The following TXK variants were observed in gnomAD, a reference collection of about 807,000 sequenced individuals.
The protein encoded by TXK is TXK tyrosine kinase, also known as tyrosine-protein kinase TXK.
A neutral mutation model predicts 81.0 loss-of-function variants in TXK; 60 were observed. The observed-to-expected ratio is 0.74, with a 90% CI of 0.60 to 0.92. The LOEUF (loss-of-function observed/expected upper bound fraction) is 0.92, where lower values mean the gene tolerates loss of function less well. TXK is among the 40% of genes least tolerant of loss of function. The pLI is 0.00. For missense variants in TXK, 581 were observed against 638.3 expected, an observed-to-expected ratio of 0.91 and a Z score of 0.97; for synonymous variants, 203 against 210.7, an observed-to-expected ratio of 0.96 and a Z score of 0.32.
At position 48,114,379 on chromosome 4, in the gene TXK, A is replaced by C. The variant is rs1718736078; in HGVS notation, c.40T>G (p.Cys14Gly). 1 of 1,614,058 alleles carries C rather than the reference A, an allele frequency of 6.2e-7. No homozygotes were observed. Among genetic ancestry groups the C allele is most frequent in the African/African-American group, 1.3e-5 (1 of 74,938 alleles). Residue 14 changes from cysteine to glycine, a missense_variant, in exon 2 of 15, where the codon TGT becomes GGT. Cys to Gly is a radical substitution (Grantham distance 159). Transcript: ENST00000264316. ...SSYNTIQSVF[C>G]CCCCCSVQKR... is the part of the protein sequence containing the mutation. ...TGCACTGAACAGCAACAGCAGCAAC[A>C]GAAAACCGACTGGATGGTGTTATCT...
chr4:48,080,997 T>C (rs146300351), intron 10 of TXK, among the ~76,000 whole-genome samples: 1 of 152,088 alleles, frequency 6.6e-6, no homozygotes, highest in Non-Finnish European at 1.5e-5. Flanking sequence ...ACACAATGTA[T>C]ATGAACGATT....
At chr4:48,133,357 T>C (rs1021481545) in intron 1 of TXK, among the ~76,000 whole-genome samples, 4 of 152,216 alleles carry the variant, frequency 2.6e-5, no homozygotes, top group Non-Finnish European at 2.9e-5. Context: ...TTATTTTTAA[T>C]GATGGTCTTA....
chr4:48,133,346 C>G lies in TXK; in HGVS notation c.16+809G>C, dbSNP rs551889966. 2.6e-5 allele frequency among the ~76,000 whole-genome samples: 4 copies of G among 152,134 alleles called. No individual in the cohort carries two copies. In the East Asian group the frequency reaches 7.7e-4, roughly 29 times the overall value. ...TTTCTCTGTTCTCCTAAAACAAGCACTTATTTTTAATGATGGTCTTATATT... is the reference window on the plus strand; with the variant it reads ...TTTCTCTGTTCTCCTAAAACAAGCAGTTATTTTTAATGATGGTCTTATATT... On this transcript the variant is annotated intron_variant, in intron 1 of 14. Coordinates refer to ENST00000264316, the MANE Select transcript of TXK (RefSeq NM_003328.3).
chr4:48,074,487 A>T (rs747421698), intron 12 of TXK, among the ~76,000 whole-genome samples: 1 of 152,214 alleles, frequency 6.6e-6, no homozygotes, highest in Non-Finnish European at 1.5e-5. Context: ...TTCCATGTGC[A>T]TGTTTTTTTG....
At chr4:48,096,370 G>T (rs562626354) in intron 6 of TXK, among the ~76,000 whole-genome samples, 7 of 152,260 alleles carry the variant, frequency 4.6e-5, no homozygotes, top group African/African-American at 1.7e-4. Context: ...TGCATATAAA[G>T]TTGCATATGT....
At chr4:48,127,269 AT>A (rs1343498523) in intron 1 of TXK, among the ~76,000 whole-genome samples, 8 of 152,238 alleles carry the variant, frequency 5.3e-5, no homozygotes, top group Admixed American at 3.9e-4. Flanking sequence ...GACAGCAGGC[AT>A]CTTTATTTAC....
chr4:48,109,597 T>C (rs1193637609), intron 5 of TXK, among the ~76,000 whole-genome samples: 1 of 152,174 alleles, frequency 6.6e-6, no homozygotes, highest in Non-Finnish European at 1.5e-5. Flanking sequence ...CAGAAATAGC[T>C]ACTGGAGAAA....
chr4:48,113,444 A>ATGAAGG (rs1718705155), intron 2 of TXK, 135 bp from the exon 3 acceptor site: 2 of 603,832 alleles, frequency 3.3e-6, no homozygotes, highest in Non-Finnish European at 2.8e-6. Flanking sequence ...AGGCTTCCTA[A>ATGAAGG]CTCCATCTCC....
chr4:48,099,287 A>C (rs999455655), intron 6 of TXK, among the ~76,000 whole-genome samples: 1 of 152,254 alleles, frequency 6.6e-6, no homozygotes, highest in Non-Finnish European at 1.5e-5. Flanking sequence ...AGATAAACTT[A>C]AAAATAAATG....
At chr4:48,132,747 A>C (rs550997150) in intron 1 of TXK, among the ~76,000 whole-genome samples, 1 of 152,106 alleles carries the variant, frequency 6.6e-6, no homozygotes, top group Non-Finnish European at 1.5e-5. Context: ...GGAGTTTGAG[A>C]CCAACCTGGC....
Position 48,094,169 on chromosome 4 carries a change from T to C in TXK, c.617A>G (p.Lys206Arg). 6.2e-7 allele frequency: 1 copy of C among 1,613,870 alleles called. No individual in the cohort carries two copies. Among genetic ancestry groups the C allele is most frequent in the Non-Finnish European group, 8.5e-7 (1 of 1,179,988 alleles). Residue 206 changes from lysine (K) to arginine (R), a missense_variant, in exon 8 of 15, where the codon AAA (lysine) becomes AGA (arginine). By Grantham distance (26) the Lys-to-Arg change is conservative. Coordinates refer to ENST00000264316, the MANE Select transcript of TXK (RefSeq NM_003328.3). ...TEAAIKHYQI[K>R]KNDSGQWYVA... Reference sequence around the variant, plus strand: ...ATACCACTGTCCTGAGTCATTCTTTTTTATCTGATAATGTTTTATGGCAGC... The same window carrying C: ...ATACCACTGTCCTGAGTCATTCTTTCTTATCTGATAATGTTTTATGGCAGC...
chr4:48,074,775 CT>C (rs1223315576), intron 12 of TXK, among the ~76,000 whole-genome samples: 2 of 152,078 alleles, frequency 1.3e-5, no homozygotes, highest in African/African-American at 4.8e-5. Flanking sequence ...AATGCTGCCC[CT>C]ATACTCTCAC....
In TXK at chr4:48,113,202, C is replaced by T. The variant is rs1577677072; in HGVS notation, c.174+5G>A. ...TCCCCTCTTGCCTGTCAAAATGATA[C>T]TTACTTGCTTCTTATTTGACAATTG... On this transcript the variant is annotated splice_donor_5th_base_variant and intron_variant, in intron 3 of 14. Coordinates refer to ENST00000264316, the MANE Select transcript of TXK (RefSeq NM_003328.3). 6.2e-7 allele frequency: 1 copy of T among 1,608,226 alleles called. No homozygotes were observed. Among genetic ancestry groups the T allele is most frequent in the South Asian group, 1.1e-5 (1 of 90,828 alleles).
chr4:48,113,934 G>A (rs1224141361), intron 2 of TXK, among the ~76,000 whole-genome samples: 1 of 152,190 alleles, frequency 6.6e-6, no homozygotes, highest in East Asian at 1.9e-4. Context: ...TTAACATGCT[G>A]CCTTGGATTT....
Position 48,112,343 on chromosome 4 carries a change from T to C in TXK, c.344A>G (p.Tyr115Cys). 1 of 1,614,220 alleles carries C rather than the reference T, an allele frequency of 6.2e-7. No homozygotes were observed. Among genetic ancestry groups the C allele is most frequent in the African/African-American group, 1.3e-5 (1 of 75,058 alleles). The part of the protein sequence containing the change: ...RAEEYLILEK[Y>C]NPHWWKARDR... ...TCTTGCCTTCCACCAGTGAGGATTG[T>C]ATTTCTCCAGTATCAGGTATTCTTC... The change falls in exon 4 of 15, where the codon TAC becomes TGC. Residue 115 changes from tyrosine (Y) to cysteine (C), a missense_variant. By Grantham distance (194) the Tyr-to-Cys change is radical (BLOSUM62 -2). Transcript: ENST00000264316.
In TXK at chr4:48,095,190, T is replaced by C. The variant is rs2109436546; in HGVS notation, c.534A>G (p.Ser178=). 6.2e-7 allele frequency: 1 copy of C among 1,613,706 alleles called. No individual in the cohort carries two copies. The highest frequency in any genetic ancestry group is 1.1e-5 in the South Asian group (1 of 91,058). ...SKEGAFIVRD[S]RHLGSYTISV... is the part of the protein sequence containing the mutation. The stretch of plus-strand genomic sequence containing the variant: ...AAATTGTGTAGGATCCTAAATGTCT[T>C]GAATCTCTGACAATAAATGCACCTT... The change falls in exon 7 of 15, where the codon TCA becomes TCG. Residue 178 remains serine, a synonymous_variant. Coordinates refer to ENST00000264316, the MANE Select transcript of TXK (RefSeq NM_003328.3).
intron 6 of TXK, among the ~76,000 whole-genome samples, chr4:48,102,632 G>A (rs535928114): frequency 1.5e-4 from 23 of 152,208 alleles, no homozygotes; most frequent in Admixed American, 3.3e-4. Context: ...ATTCCATCTC[G>A]CCCTTGTGTA....
At chr4:48,114,869 G>A (rs2089507) in intron 1 of TXK, among the ~76,000 whole-genome samples, 6 of 151,710 alleles carry the variant, frequency 4.0e-5, no homozygotes, top group Admixed American at 2.0e-4. Context: ...ATTCTTTTAC[G>A]TATTTATTGT....
chr4:48,075,572 C>A (rs1455977723), intron 12 of TXK, among the ~76,000 whole-genome samples: 1 of 152,058 alleles, frequency 6.6e-6, no homozygotes, highest in Non-Finnish European at 1.5e-5. Flanking sequence ...ATAGCTTGAG[C>A]CTGGGAGGTC....
Sources: gnomAD v4.1 joint callset for allele counts (sites outside exome capture counted in the v4.1 genomes callset) on GRCh38, gnomAD v4.1.1 for gene constraint, MANE v1.5 for transcripts, NCBI Gene and HGNC (gene_info 2026-07-23, HGNC 2026-07-21) for gene names.